Variants in PRRC2C observed in about 807,000 individuals in gnomAD.
PRRC2C encodes proline rich coiled-coil 2C.
A neutral mutation model predicts 317.2 loss-of-function variants in PRRC2C; 72 were observed. That is an observed-to-expected ratio of 0.23 (90% confidence interval 0.19 to 0.28). PRRC2C has a LOEUF of 0.28. Among genes scored for constraint, PRRC2C ranks in the 10% least tolerant of loss-of-function variants. The pLI is 1.00. For missense variants in PRRC2C, 3,074 were observed against 3,459.7 expected (o/e 0.89, Z 2.80); for synonymous variants, 1,296 against 1,205.9 (o/e 1.07, Z -1.55).
intron 30 of PRRC2C, among the ~76,000 whole-genome samples, chr1:171,585,686 C>T (rs1649724311): frequency 6.6e-6 from 1 of 152,170 alleles, no homozygotes; most frequent in Non-Finnish European, 1.5e-5. Flanking sequence ...GATTATTTGA[C>T]ATGTCCTGTG....
Position 171,557,572 on chromosome 1 carries a change from A to G in PRRC2C, c.5460A>G (p.Ser1820=), listed in dbSNP as rs1211640885. The change falls in exon 19 of 35, where the codon TCA becomes TCG. Residue 1820 remains serine (S), a synonymous_variant. Transcript: ENST00000647382. ...PVSASASVSA[S]VPASTSAAAI... is the part of the protein sequence containing the mutation. ...CAGCCTCAGCCTCAGTCTCAGCTTC[A>G]GTTCCAGCCTCTACTTCAGCTGCAG... 1.9e-6 allele frequency: 3 copies of G among 1,551,602 alleles called. No individual in the cohort carries two copies. Among genetic ancestry groups the G allele is most frequent in the Non-Finnish European group, 2.6e-6 (3 of 1,146,958 alleles).
chr1:171,515,166 G>A (rs531053135), intron 4 of PRRC2C, among the ~76,000 whole-genome samples: 8 of 152,284 alleles, frequency 5.3e-5, no homozygotes, highest in African/African-American at 1.9e-4. Flanking sequence ...AACATTCTAT[G>A]GAAGAACCAA....
intron 6 of PRRC2C, among the ~76,000 whole-genome samples, chr1:171,520,098 G>A (rs1425390960): frequency 1.3e-5 from 2 of 152,166 alleles, no homozygotes; most frequent in South Asian, 2.1e-4. Context: ...AAGTAGCTGG[G>A]ATTACAGGGG....
At chr1:171,499,929 T>A (rs985485149) in intron 1 of PRRC2C, among the ~76,000 whole-genome samples, 7 of 152,270 alleles carry the variant, frequency 4.6e-5, no homozygotes, top group Non-Finnish European at 8.8e-5. Context: ...TTTATATTTA[T>A]ATGTGATACT....
At chr1:171,553,374 A>T (rs1255617231) in intron 18 of PRRC2C, among the ~76,000 whole-genome samples, 1 of 151,568 alleles carries the variant, frequency 6.6e-6, no homozygotes, top group African/African-American at 2.4e-5. Flanking sequence ...TAGTCTTGCT[A>T]GCGGTCTGTC....
Position 171,485,548 on chromosome 1 carries a change from C to G in PRRC2C, c.-245C>G, listed in dbSNP as rs1026254517. ...GCTAGCCGCCATCTTGCTTCTTTTT[C>G]TCGCTCGCTCGCTCCCCCTCGGAAA... On this transcript the variant is annotated 5_prime_UTR_variant, in exon 1 of 35. Transcript: ENST00000647382. The G allele has an allele frequency of 2.6e-5, 4 of 152,650 alleles. No individual in the cohort carries two copies. The highest frequency in any genetic ancestry group is 9.6e-5 in the African/African-American group (4 of 41,458). 9.5% of individuals were successfully genotyped at this position (152,650 alleles called of 1,614,324 possible). A position where few individuals can be genotyped will look rare whatever the true frequency, so the allele number is the denominator to read the frequency against.
chr1:171,571,729 A>G (rs1193225448), intron 24 of PRRC2C, among the ~76,000 whole-genome samples: 1 of 152,180 alleles, frequency 6.6e-6, no homozygotes, highest in Non-Finnish European at 1.5e-5. Context: ...TTTTGGATAT[A>G]TGGGTTTGTA....
chr1:171,513,406 C>T (rs930259464), intron 3 of PRRC2C: 3 of 611,538 alleles, frequency 4.9e-6, no homozygotes, highest in Non-Finnish European at 6.0e-6. Context: ...TTGCTTATGT[C>T]ATAGCCTTTA....
chr1:171,526,675 T>G (rs1674621674), intron 10 of PRRC2C, among the ~76,000 whole-genome samples: 1 of 152,096 alleles, frequency 6.6e-6, no homozygotes, highest in Non-Finnish European at 1.5e-5. Context: ...GATTCTAACC[T>G]TACTGAAATA....
At chr1:171,530,500 C>A (rs891860196) in intron 11 of PRRC2C, among the ~76,000 whole-genome samples, 3 of 151,936 alleles carry the variant, frequency 2.0e-5, no homozygotes, top group African/African-American at 7.3e-5. Flanking sequence ...CCTGCCTTGG[C>A]CTCCTAAAGT....
chr1:171,563,366 A>G (rs916410589), intron 20 of PRRC2C, among the ~76,000 whole-genome samples: 8 of 152,290 alleles, frequency 5.3e-5, no homozygotes, highest in East Asian at 3.9e-4. Context: ...TTGTTATACC[A>G]TATTATTTAG....
At chr1:171,517,921 C>G (rs944972158) in intron 6 of PRRC2C, 107 bp downstream of exon 6, 2 of 882,074 alleles carry the variant, frequency 2.3e-6, no homozygotes, top group Non-Finnish European at 3.4e-6. Flanking sequence ...TCATTAACAT[C>G]TAACTAAAAA....
chr1:171,486,242 T>C (rs933979171), intron 1 of PRRC2C, among the ~76,000 whole-genome samples: 4 of 150,802 alleles, frequency 2.7e-5, no homozygotes, highest in Non-Finnish European at 4.4e-5. Flanking sequence ...TATGGGAGGG[T>C]CTGGTTTAAA....
chr1:171,486,049 G>T (rs1295228234), intron 1 of PRRC2C, among the ~76,000 whole-genome samples: 4 of 151,074 alleles, frequency 2.6e-5, no homozygotes, highest in Admixed American at 1.3e-4. Flanking sequence ...AGGGGATTAC[G>T]CATGTTGCCG....
chr1:171,565,156 A>G (rs995187443), intron 20 of PRRC2C, among the ~76,000 whole-genome samples: 2 of 152,270 alleles, frequency 1.3e-5, no homozygotes, highest in African/African-American at 2.4e-5. Context: ...CATACCTGCT[A>G]TGCTTCAGCC....
rs751014514 is a variant in PRRC2C, at chr1:171,568,230, C to T, written c.6559-17C>T. The T allele has an allele frequency of 6.4e-6, 10 of 1,572,456 alleles. No individual in the cohort carries two copies. The highest frequency in any genetic ancestry group is 3.8e-5 in the Admixed American group (2 of 52,426). The stretch of plus-strand genomic sequence containing the variant: ...ATTCAGTTTAAAATGTATTTTTTTT[C>T]TATTACTACTTCACAGGAGTCTGTA... On this transcript the variant is annotated splice_polypyrimidine_tract_variant and intron_variant, in intron 22 of 34. Coordinates refer to ENST00000647382, the MANE Select transcript of PRRC2C (RefSeq NM_001387844.1).
intron 7 of PRRC2C, 125 bp from the exon 8 acceptor site, chr1:171,523,096 A>C (rs1013129530): frequency 1.2e-6 from 1 of 836,640 alleles, no homozygotes; most frequent in African/African-American, 1.7e-5. Flanking sequence ...GTCCATGCAG[A>C]ACATATTAGG....
rs758584511 is a variant in PRRC2C, at chr1:171,591,676, G to A, written c.8526G>A (p.Gln2842=). The A allele has an allele frequency of 1.9e-6, 3 of 1,613,916 alleles. No individual in the cohort carries two copies. Among genetic ancestry groups the A allele is most frequent in the South Asian group, 1.1e-5 (1 of 91,074 alleles). Reference sequence around the variant, plus strand: ...AACAGATAGGAGGAGGCAAAGCCCAGAAAGTGGACAGTGATTCAAGTAAAC... The same window carrying A: ...AACAGATAGGAGGAGGCAAAGCCCAAAAAGTGGACAGTGATTCAAGTAAAC... The part of the protein sequence containing the change: ...QSKQIGGGKA[Q]KVDSDSSKPP... The change falls in exon 35 of 35, where the codon CAG becomes CAA. Residue 2842 remains glutamine (Q), a synonymous_variant. Transcript: ENST00000647382.
intron 19 of PRRC2C, 68 bp from the exon 20 acceptor site, chr1:171,560,950 G>T: frequency 7.9e-7 from 1 of 1,258,406 alleles, no homozygotes; most frequent in South Asian, 1.2e-5. Context: ...TTAAGGAAAG[G>T]GTTAAATGGG....
Sources: allele counts gnomAD v4.1 joint callset (sites outside exome capture counted in the v4.1 genomes callset), GRCh38; gene constraint gnomAD v4.1.1; transcripts MANE v1.5; gene names NCBI Gene and HGNC (gene_info 2026-07-23, HGNC 2026-07-21).